The following CADM1 variants were observed in gnomAD, a reference collection of about 807,000 sequenced individuals.
CADM1 encodes cell adhesion molecule 1, also known as TSLC-1.
CADM1 carries 15 observed loss-of-function variants against 53.1 expected under a neutral mutation model. The ratio of observed to expected loss-of-function variants is 0.28; its 90% CI spans 0.19 to 0.44. The LOEUF is 0.44. CADM1 is among the 20% of genes least tolerant of loss of function. CADM1 has a pLI of 1.00. For synonymous variants in CADM1, 281 were observed against 243.0 expected (o/e 1.16, Z -1.45); for missense variants, 434 against 611.3 (o/e 0.71, Z 3.06).
At chr11:115,238,863 T>C (rs929812574) in intron 2 of CADM1, among the ~76,000 whole-genome samples, 6 of 150,060 alleles carry the variant, frequency 4.0e-5, no homozygotes, top group Admixed American at 6.6e-5. Flanking sequence ...TGCGTGTGCA[T>C]ATATATATAT....
chr11:115,402,702 A>AT (rs112720786), intron 1 of CADM1, among the ~76,000 whole-genome samples: 61 of 150,298 alleles, frequency 4.1e-4, no homozygotes, highest in African/African-American at 1.0e-3. Flanking sequence ...GAGACATAAC[A>AT]TTTTTTTTTT....
intron 1 of CADM1, among the ~76,000 whole-genome samples, chr11:115,438,095 T>A (rs1306111430): frequency 1.3e-5 from 2 of 152,160 alleles, no homozygotes; most frequent in African/African-American, 2.4e-5. Context: ...ATCTGGCCCA[T>A]AACAAAATTA....
intron 9 of CADM1, among the ~76,000 whole-genome samples, chr11:115,191,877 A>G (rs1939891367): frequency 6.6e-6 from 1 of 152,226 alleles, no homozygotes. Context: ...CAGTTTGCTC[A>G]TACTTCTCTA....
At chr11:115,296,859 A>T (rs1371794230) in intron 1 of CADM1, among the ~76,000 whole-genome samples, 1 of 152,208 alleles carries the variant, frequency 6.6e-6, no homozygotes, top group Non-Finnish European at 1.5e-5. Context: ...TGTGGACAGT[A>T]TCTCACTCTT....
intron 1 of CADM1, among the ~76,000 whole-genome samples, chr11:115,427,736 C>T (rs959688791): frequency 5.3e-5 from 8 of 151,888 alleles, no homozygotes; most frequent in Admixed American, 1.3e-4. Flanking sequence ...GGGCCAGGCA[C>T]GGTGGCTCAC....
chr11:115,491,981 G>T (rs1949507874), intron 1 of CADM1, among the ~76,000 whole-genome samples: 1 of 152,178 alleles, frequency 6.6e-6, no homozygotes, highest in South Asian at 2.1e-4. Flanking sequence ...AGCATTAGGA[G>T]AAATACCTAA....
intron 1 of CADM1, among the ~76,000 whole-genome samples, chr11:115,332,022 G>A (rs774100862): frequency 6.6e-6 from 1 of 152,116 alleles, no homozygotes; most frequent in Non-Finnish European, 1.5e-5. Context: ...CCAGGTGCCT[G>A]AGCGTAACAG....
intron 11 of CADM1, among the ~76,000 whole-genome samples, chr11:115,178,169 G>A (rs1939125793): frequency 6.6e-6 from 1 of 151,974 alleles, no homozygotes; most frequent in Non-Finnish European, 1.5e-5. Context: ...CTTTAACCTG[G>A]GCACATCAAA....
At chr11:115,438,004 C>G (rs1948221834) in intron 1 of CADM1, among the ~76,000 whole-genome samples, 1 of 152,168 alleles carries the variant, frequency 6.6e-6, no homozygotes, top group Non-Finnish European at 1.5e-5. Context: ...CGTGTAACGC[C>G]TGATTGCTGA....
At chr11:115,285,608 CACTGAGTG>C (rs893603573) in intron 1 of CADM1, among the ~76,000 whole-genome samples, 1 of 152,228 alleles carries the variant, frequency 6.6e-6, no homozygotes, top group Non-Finnish European at 1.5e-5. Context: ...ATTTAACACT[CACTGAGTG>C]ACTGCTATGT....
intron 1 of CADM1, among the ~76,000 whole-genome samples, chr11:115,280,084 T>C (rs932932059): frequency 6.6e-6 from 1 of 152,212 alleles, no homozygotes; most frequent in Non-Finnish European, 1.5e-5. Flanking sequence ...ACATTTGCTA[T>C]CCAGTTAAGG....
chr11:115,449,296 A>G (rs1948519532), intron 1 of CADM1, among the ~76,000 whole-genome samples: 1 of 152,342 alleles, frequency 6.6e-6, no homozygotes, highest in Non-Finnish European at 1.5e-5. Flanking sequence ...CAAAACTGTG[A>G]GCAATACATT....
Position 115,458,493 on chromosome 11 carries a change from AATTATTATTATT to A in CADM1, c.124+45766_124+45777del, listed in dbSNP as rs67114126. ...GTAGGTATTCCTAAATGTTAGCTGTAATTATTATTATTATTATTATTATTATTATTATTATTA... is the reference window on the plus strand; with the variant it reads ...GTAGGTATTCCTAAATGTTAGCTGTAATTATTATTATTATTATTATTATTA... On this transcript the variant is annotated intron_variant, in intron 1 of 11. Coordinates refer to ENST00000331581, the MANE Select transcript of CADM1 (RefSeq NM_001301043.2). Among the ~76,000 whole-genome samples the A allele has an allele frequency of 1.0e-3, 146 of 143,636 alleles. 1 individual carries two copies. The highest frequency in any genetic ancestry group is 5.1e-3 in the Admixed American group (72 of 14,244). 94.2% of individuals were successfully genotyped at this position (143,636 alleles called of 152,430 possible). A position where few individuals can be genotyped will look rare whatever the true frequency, so the allele number is the denominator to read the frequency against.
chr11:115,203,642 T>C (rs1341063979), intron 8 of CADM1, among the ~76,000 whole-genome samples: 1 of 152,196 alleles, frequency 6.6e-6, no homozygotes, highest in Non-Finnish European at 1.5e-5. Flanking sequence ...ATCTCCAAGA[T>C]TATTTTTAAA....
chr11:115,373,583 CAA>C (rs35059216), intron 1 of CADM1, among the ~76,000 whole-genome samples: 647 of 48,634 alleles, frequency 0.013, 1 homozygote, highest in African/African-American at 0.065. Flanking sequence ...GACTCTGTCT[CAA>C]AAAAAAAAAA....
At chr11:115,244,584 A>G (rs1010840749) in intron 1 of CADM1, among the ~76,000 whole-genome samples, 1 of 152,120 alleles carries the variant, frequency 6.6e-6, no homozygotes, top group African/African-American at 2.4e-5. Context: ...GAGCGATTTA[A>G]ATAAACTGCC....
At chr11:115,200,472 T>C (rs1940366475) in intron 8 of CADM1, among the ~76,000 whole-genome samples, 1 of 152,228 alleles carries the variant, frequency 6.6e-6, no homozygotes, top group South Asian at 2.1e-4. Context: ...ATTTTTGTAG[T>C]AGCTCTTCTA....
intron 7 of CADM1, among the ~76,000 whole-genome samples, chr11:115,210,795 T>C (rs1265810904): frequency 3.3e-5 from 5 of 152,196 alleles, no homozygotes; most frequent in Non-Finnish European, 5.9e-5. Context: ...CAAAAGTTTA[T>C]AGAAATATTA....
intron 1 of CADM1, among the ~76,000 whole-genome samples, chr11:115,398,909 A>G (rs1038613680): frequency 3.3e-5 from 5 of 152,172 alleles, no homozygotes; most frequent in African/African-American, 1.2e-4. Context: ...CCCTTCAGAT[A>G]ACAGGAGGGA....
Sources: gnomAD v4.1 joint callset for allele counts (sites outside exome capture counted in the v4.1 genomes callset) on GRCh38, gnomAD v4.1.1 for gene constraint, MANE v1.5 for transcripts, NCBI Gene and HGNC (gene_info 2026-07-23, HGNC 2026-07-21) for gene names.